Variants in ERBB4 observed in about 807,000 individuals in gnomAD.
ERBB4 encodes receptor tyrosine-protein kinase erbB-4.
Under a neutral mutation model 158.0 loss-of-function variants are expected in ERBB4, and 42 were observed. That is an observed-to-expected ratio of 0.27 (90% CI 0.21 to 0.34). The LOEUF (loss-of-function observed/expected upper bound fraction) is 0.34. Ranked by LOEUF, ERBB4 falls within the 10% of genes least tolerant of loss-of-function variation. The probability of loss-of-function intolerance (pLI) is 1.00; values close to 1 mark genes in which losing one functional copy is unlikely to be tolerated. For missense variants in ERBB4, 1,333 were observed against 1,624.1 expected, an observed-to-expected ratio of 0.82 and a Z score of 3.08; for synonymous variants, 583 against 558.7, an observed-to-expected ratio of 1.04 and a Z score of -0.61.
chr2:212,525,765 G>C (rs1692414773), intron 1 of ERBB4, among the ~76,000 whole-genome samples: 1 of 151,938 alleles, frequency 6.6e-6, no homozygotes, highest in Non-Finnish European at 1.5e-5. Context: ...TTTGTTTTAA[G>C]CAACTTCCTG....
chr2:211,875,783 G>C (rs990523207), intron 3 of ERBB4, among the ~76,000 whole-genome samples: 8 of 152,110 alleles, frequency 5.3e-5, no homozygotes, highest in Non-Finnish European at 1.2e-4. Flanking sequence ...CACAAGTGTA[G>C]CATTTTTAAT....
At chr2:211,767,086 C>A (rs751261193) in intron 4 of ERBB4, among the ~76,000 whole-genome samples, 2 of 152,192 alleles carry the variant, frequency 1.3e-5, no homozygotes, top group South Asian at 4.1e-4. Flanking sequence ...GTAACCAGCA[C>A]TCTGGAGTCG....
intron 12 of ERBB4, among the ~76,000 whole-genome samples, chr2:211,681,891 G>A (rs1313945720): frequency 1.3e-5 from 2 of 151,600 alleles, no homozygotes; most frequent in Non-Finnish European, 2.9e-5. Flanking sequence ...AGTTTTTGGT[G>A]TGTCCAACCC....
intron 20 of ERBB4, among the ~76,000 whole-genome samples, chr2:211,541,622 C>T (rs998344634): frequency 6.6e-6 from 1 of 152,024 alleles, no homozygotes; most frequent in African/African-American, 2.4e-5. Context: ...TACAGGTGTT[C>T]TTCTTCATCA....
chr2:211,938,492 T>A (rs551980282), intron 3 of ERBB4, among the ~76,000 whole-genome samples: 2 of 152,256 alleles, frequency 1.3e-5, no homozygotes, highest in East Asian at 3.9e-4. Context: ...TAAATTAAAA[T>A]TAATTAAAAT....
chr2:211,557,470 T>C (rs2067265442), intron 20 of ERBB4, among the ~76,000 whole-genome samples: 1 of 152,032 alleles, frequency 6.6e-6, no homozygotes, highest in African/African-American at 2.4e-5. Context: ...AACAGACACT[T>C]TTCAAAAGAA....
chr2:212,090,835 T>G lies in ERBB4; in HGVS notation c.234+33917A>C, dbSNP rs541380283. 4.6e-5 allele frequency among the ~76,000 whole-genome samples: 7 copies of G among 152,302 alleles called. No individual in the cohort carries two copies. The South Asian group carries it at 1.4e-3, about 32-fold the overall frequency. ...TAATACTAATTCTTGGGTTTTTGTT[T>G]CTTTCCTCTCTTCATGTCCACTATC... On this transcript the variant is annotated intron_variant, in intron 2 of 27. Transcript: ENST00000342788.
intron 3 of ERBB4, among the ~76,000 whole-genome samples, chr2:211,912,362 C>A (rs376035945): frequency 5.9e-5 from 9 of 151,550 alleles, no homozygotes; most frequent in Non-Finnish European, 1.0e-4. Context: ...TTTTACCTTC[C>A]AAGAGTAAAT....
intron 14 of ERBB4, among the ~76,000 whole-genome samples, chr2:211,669,137 CGTT>C (rs946180596): frequency 3.4e-5 from 5 of 145,444 alleles, no homozygotes; most frequent in African/African-American, 1.3e-4. Flanking sequence ...GCATGAGACT[CGTT>C]TGTGCCCAGG....
Position 211,980,341 on chromosome 2 carries a change from T to C in ERBB4, c.235-32725A>G, listed in dbSNP as rs116454276. On this transcript the variant is annotated intron_variant, in intron 2 of 27. Transcript: ENST00000342788. ...AAAGCCCTGACTTTCAGTGCATCAA[T>C]ATAAGCAGTTGAGTAGACCGAAGAG... is the stretch of plus-strand genomic sequence containing the variant. 7.2e-3 allele frequency among the ~76,000 whole-genome samples: 1,104 copies of C among 152,284 alleles called. 12 individuals are homozygous for C. The highest frequency in any genetic ancestry group is 8.1e-3 in the Non-Finnish European group (548 of 68,008).
chr2:211,767,178 C>G (rs757014007), intron 4 of ERBB4, among the ~76,000 whole-genome samples: 3 of 152,094 alleles, frequency 2.0e-5, no homozygotes, highest in Non-Finnish European at 4.4e-5. Flanking sequence ...TTTGTTCGTG[C>G]ATTTTTCCCA....
chr2:211,456,170 T>C (rs2064376870), intron 20 of ERBB4, among the ~76,000 whole-genome samples: 2 of 152,194 alleles, frequency 1.3e-5, no homozygotes, highest in South Asian at 4.1e-4. Flanking sequence ...ATTTGTTAAC[T>C]AAGTGATCCC....
chr2:212,339,929 A>G (rs1055064059), intron 1 of ERBB4, among the ~76,000 whole-genome samples: 1 of 152,204 alleles, frequency 6.6e-6, no homozygotes, highest in African/African-American at 2.4e-5. Flanking sequence ...ATACATTTTT[A>G]AAAATTGTTT....
chr2:211,956,994 C>A (rs139068904), intron 2 of ERBB4, among the ~76,000 whole-genome samples: 8 of 151,908 alleles, frequency 5.3e-5, no homozygotes, highest in Non-Finnish European at 1.2e-4. Context: ...ACCACACCAA[C>A]CTAATTTTTT....
intron 17 of ERBB4, among the ~76,000 whole-genome samples, chr2:211,627,725 G>A (rs1001095300): frequency 2.6e-5 from 4 of 152,174 alleles, no homozygotes; most frequent in African/African-American, 9.7e-5. Flanking sequence ...CAGAATTACT[G>A]TGAATTGTTT....
intron 1 of ERBB4, among the ~76,000 whole-genome samples, chr2:212,336,382 C>G (rs2088442374): frequency 6.6e-6 from 1 of 151,856 alleles, no homozygotes; most frequent in South Asian, 2.1e-4. Context: ...TTTACTTTGC[C>G]TTTACTTTTA....
intron 19 of ERBB4, among the ~76,000 whole-genome samples, chr2:211,590,875 A>G (rs936987814): frequency 6.6e-6 from 1 of 152,166 alleles, no homozygotes; most frequent in African/African-American, 2.4e-5. Context: ...TTAAATGAAA[A>G]CTTGCTATCT....
chr2:211,554,873 T>G (rs371908878), intron 20 of ERBB4, among the ~76,000 whole-genome samples: 2 of 152,200 alleles, frequency 1.3e-5, no homozygotes, highest in East Asian at 3.9e-4. Context: ...CAGCCTACTT[T>G]TTGTCTCATA....
chr2:212,299,170 T>C (rs571197548), intron 1 of ERBB4, among the ~76,000 whole-genome samples: 1 of 151,664 alleles, frequency 6.6e-6, no homozygotes, highest in East Asian at 2.0e-4. Context: ...CAGACAATAA[T>C]ACAAGAAATG....
Sources: gnomAD v4.1 joint callset for allele counts (sites outside exome capture counted in the v4.1 genomes callset) on GRCh38, gnomAD v4.1.1 for gene constraint, MANE v1.5 for transcripts, NCBI Gene and HGNC (gene_info 2026-07-23, HGNC 2026-07-21) for gene names.